Variants in PTPRM observed in about 807,000 individuals in gnomAD.
PTPRM encodes the protein protein tyrosine phosphatase receptor type M, also known as receptor-type tyrosine-protein phosphatase mu.
Under a neutral mutation model 186.7 loss-of-function variants are expected in PTPRM, and 47 were observed. The ratio of observed to expected loss-of-function variants is 0.25; its 90% CI spans 0.20 to 0.32. PTPRM has a LOEUF of 0.32. Ranked by LOEUF, PTPRM falls within the 10% of genes least tolerant of loss-of-function variation. The pLI, the probability that PTPRM is intolerant of heterozygous loss-of-function variation, is 1.00. For missense variants in PTPRM, 1,494 were observed against 1,865.0 expected (o/e 0.80, Z 3.66); for synonymous variants, 668 against 674.9 (o/e 0.99, Z 0.16).
chr18:8,241,011 G>T (rs1037099212), intron 14 of PTPRM, among the ~76,000 whole-genome samples: 2 of 152,152 alleles, frequency 1.3e-5, no homozygotes, highest in Admixed American at 1.3e-4. Context: ...TGAACTTGGG[G>T]GTGATAGATG....
chr18:8,396,435 A>G (rs543044282), intron 32 of PTPRM, among the ~76,000 whole-genome samples: 24 of 152,310 alleles, frequency 1.6e-4, no homozygotes, highest in African/African-American at 5.8e-4. Flanking sequence ...AGACCCTTCC[A>G]GGCCTTTCCT....
chr18:7,907,762 G>T (rs1318976959), intron 4 of PTPRM, among the ~76,000 whole-genome samples: 1 of 152,114 alleles, frequency 6.6e-6, no homozygotes, highest in Non-Finnish European at 1.5e-5. Context: ...ATGTGTGTGT[G>T]TGTGTGTGTA....
At chr18:7,859,590 C>T (rs1599109370) in intron 2 of PTPRM, among the ~76,000 whole-genome samples, 1 of 152,218 alleles carries the variant, frequency 6.6e-6, no homozygotes, top group Non-Finnish European at 1.5e-5. Flanking sequence ...ACTGGAGTTC[C>T]CATAACCCTG....
chr18:7,576,817 G>A (rs1012123941), intron 1 of PTPRM, among the ~76,000 whole-genome samples: 2 of 152,174 alleles, frequency 1.3e-5, no homozygotes, highest in African/African-American at 4.8e-5. Context: ...CTCTGTTTGA[G>A]TAGCTTGAGG....
At chr18:8,017,418 C>T (rs886540835) in intron 7 of PTPRM, among the ~76,000 whole-genome samples, 13 of 151,288 alleles carry the variant, frequency 8.6e-5, no homozygotes, top group Non-Finnish European at 1.6e-4. Context: ...AAAATTTTGT[C>T]CTAAAAATAC....
At chr18:7,652,008 C>A (rs2038718634) in intron 1 of PTPRM, among the ~76,000 whole-genome samples, 1 of 152,158 alleles carries the variant, frequency 6.6e-6, no homozygotes, top group South Asian at 2.1e-4. Flanking sequence ...ACTCTTCTGA[C>A]AAAGGGCTAA....
At chr18:8,205,954 T>C (rs1320501578) in intron 14 of PTPRM, among the ~76,000 whole-genome samples, 1 of 152,110 alleles carries the variant, frequency 6.6e-6, no homozygotes, top group Non-Finnish European at 1.5e-5. Flanking sequence ...GGTGGCAGCG[T>C]GTGAGGTCTG....
chr18:7,684,232 AAAGGTTGC>A (rs1568027719), intron 1 of PTPRM, among the ~76,000 whole-genome samples: 1 of 152,018 alleles, frequency 6.6e-6, no homozygotes, highest in African/African-American at 2.4e-5. Flanking sequence ...CCCAGGGGTT[AAAGGTTGC>A]AGGGAGCTAT....
intron 2 of PTPRM, among the ~76,000 whole-genome samples, chr18:7,809,895 G>A (rs2044421261): frequency 6.6e-6 from 1 of 152,218 alleles, no homozygotes; most frequent in South Asian, 2.1e-4. Flanking sequence ...TTAAGGGATA[G>A]GAACTATAAA....
intron 4 of PTPRM, among the ~76,000 whole-genome samples, chr18:7,920,833 T>C (rs2146726462): frequency 6.6e-6 from 1 of 152,332 alleles, no homozygotes; most frequent in South Asian, 2.1e-4. Context: ...AAAGACTTTA[T>C]CTGACCTTTA....
intron 2 of PTPRM, among the ~76,000 whole-genome samples, chr18:7,797,007 G>A (rs1046268456): frequency 3.9e-5 from 6 of 152,196 alleles, no homozygotes. Flanking sequence ...ACCATTGGGG[G>A]TCACCAGATA....
At chr18:8,003,985 C>T (rs1356781372) in intron 7 of PTPRM, among the ~76,000 whole-genome samples, 1 of 152,202 alleles carries the variant, frequency 6.6e-6, no homozygotes, top group African/African-American at 2.4e-5. Flanking sequence ...CTCAAAAGCA[C>T]TTAAACTTTT....
intron 14 of PTPRM, among the ~76,000 whole-genome samples, chr18:8,201,009 G>A (rs1356552676): frequency 6.6e-6 from 1 of 152,080 alleles, no homozygotes; most frequent in Non-Finnish European, 1.5e-5. Flanking sequence ...ACTATGACAT[G>A]GAGATTAGAA....
At chr18:7,767,385 TA>T (rs905529790) in intron 1 of PTPRM, among the ~76,000 whole-genome samples, 2 of 151,864 alleles carry the variant, frequency 1.3e-5, no homozygotes, top group South Asian at 2.1e-4. Flanking sequence ...TGAGTCACAA[TA>T]AAAAAAACAA....
intron 2 of PTPRM, among the ~76,000 whole-genome samples, chr18:7,850,396 T>C (rs2046805378): frequency 6.6e-6 from 1 of 152,182 alleles, no homozygotes; most frequent in Non-Finnish European, 1.5e-5. Flanking sequence ...TATTGAGATC[T>C]ACAAGATAGC....
At chr18:8,128,178 A>T (rs913497782) in intron 13 of PTPRM, among the ~76,000 whole-genome samples, 5 of 152,218 alleles carry the variant, frequency 3.3e-5, no homozygotes, top group Non-Finnish European at 7.3e-5. Flanking sequence ...CTCTTCATTT[A>T]AGCAGATAAC....
intron 14 of PTPRM, among the ~76,000 whole-genome samples, chr18:8,214,114 G>A (rs368011091): frequency 1.6e-4 from 25 of 152,210 alleles, no homozygotes; most frequent in African/African-American, 6.0e-4. Context: ...TCGGAGGGGG[G>A]CAGGTAGGGG....
intron 7 of PTPRM, among the ~76,000 whole-genome samples, chr18:8,005,633 C>T (rs562484326): frequency 6.6e-6 from 1 of 152,286 alleles, no homozygotes; most frequent in African/African-American, 2.4e-5. Flanking sequence ...CCACCTCCAG[C>T]AGTATTTTTC....
At chr18:8,279,850 C>T (rs929083211) in intron 19 of PTPRM, among the ~76,000 whole-genome samples, 9 of 152,324 alleles carry the variant, frequency 5.9e-5, no homozygotes, top group African/African-American at 2.2e-4. Flanking sequence ...GCTTCGTTTA[C>T]TCCAACCCAG....
Sources: allele counts gnomAD v4.1 joint callset (sites outside exome capture counted in the v4.1 genomes callset), GRCh38; gene constraint gnomAD v4.1.1; transcripts MANE v1.5; gene names NCBI Gene and HGNC (gene_info 2026-07-23, HGNC 2026-07-21).